ATCAY: variants seen among roughly 807,000 people sequenced by gnomAD.
ATCAY encodes the protein ATCAY kinesin light chain interacting caytaxin.
A neutral mutation model predicts 47.7 loss-of-function variants in ATCAY; 22 were observed. The observed-to-expected ratio is 0.46, with a 90% CI of 0.33 to 0.66. The LOEUF (loss-of-function observed/expected upper bound fraction) is 0.66, where lower values mean the gene tolerates loss of function less well. Among genes scored for constraint, ATCAY ranks in the 30% least tolerant of loss-of-function variants. The probability of loss-of-function intolerance (pLI) is 0.02; values close to 1 mark genes in which losing one functional copy is unlikely to be tolerated. For missense variants in ATCAY, 452 were observed against 515.0 expected (o/e 0.88, Z 1.18); for synonymous variants, 216 against 207.6 (o/e 1.04, Z -0.35).
chr19:3,917,823 G>C (rs770169410), intron 10 of ATCAY, 46 bp downstream of exon 10: 1 of 1,597,140 alleles, frequency 6.3e-7, no homozygotes, highest in Non-Finnish European at 8.5e-7. Flanking sequence ...GGGCAGCGGG[G>C]GGCTGAGCTG....
intron 2 of ATCAY, among the ~76,000 whole-genome samples, chr19:3,889,741 A>G (rs1350441013): frequency 6.6e-6 from 1 of 152,134 alleles, no homozygotes; most frequent in East Asian, 1.9e-4. Flanking sequence ...CTCTTTGGGC[A>G]TCTCAGTGCC....
At chr19:3,919,115 T>C (rs2145264497) in intron 11 of ATCAY, among the ~76,000 whole-genome samples, 1 of 150,464 alleles carries the variant, frequency 6.6e-6, no homozygotes, top group Non-Finnish European at 1.5e-5. Context: ...TCATCTCTAC[T>C]AAAAATACAA....
intron 2 of ATCAY, among the ~76,000 whole-genome samples, chr19:3,894,044 A>T (rs2038743117): frequency 6.6e-6 from 1 of 152,040 alleles, no homozygotes; most frequent in Non-Finnish European, 1.5e-5. Context: ...CATCATGCTT[A>T]AAAGTCTACA....
chr19:3,912,220 C>A (rs1280359197), intron 8 of ATCAY, among the ~76,000 whole-genome samples: 2 of 152,186 alleles, frequency 1.3e-5, no homozygotes, highest in African/African-American at 4.8e-5. Flanking sequence ...CACCTGTAAT[C>A]CCAACACTTT....
Position 3,926,631 on chromosome 19 carries a change from G to C in ATCAY, c.*2039G>C, listed in dbSNP as rs1012784942. 1 of 152,240 alleles carries C rather than the reference G, an allele frequency of 6.6e-6. No homozygotes were observed. The highest frequency in any genetic ancestry group is 1.5e-5 in the Non-Finnish European group (1 of 68,064). The allele number at this position is 152,240 out of a possible 1,614,324, so 9.4% of individuals were successfully genotyped here. Reference sequence around the variant, plus strand: ...TTTAGTGCTGAGGGGCAGTGATACAGAAAGATTTGCCCTGTGGGACAGGGT... The same window carrying C: ...TTTAGTGCTGAGGGGCAGTGATACACAAAGATTTGCCCTGTGGGACAGGGT... On this transcript the variant is annotated 3_prime_UTR_variant, in exon 13 of 13. Transcript: ENST00000450849.
rs750987830 is a variant in ATCAY, at chr19:3,905,648, G to A, written c.351G>A (p.Glu117=). ...LEFLGNGNEL[E]WEDDTPVATA... is the part of the protein sequence containing the mutation. ...TCCTGGGGAATGGCAACGAACTGGA[G>A]TGGGAAGGTAAAGTTCAGGGTCTCT... The change falls in exon 4 of 13, where the codon GAG becomes GAA. Residue 117 remains glutamate (E), a synonymous_variant. Transcript: ENST00000450849. 1.1e-5 allele frequency: 17 copies of A among 1,613,320 alleles called. No individual in the cohort carries two copies. Among genetic ancestry groups the A allele is most frequent in the Non-Finnish European group, 1.4e-5 (17 of 1,179,696 alleles).
chr19:3,903,285 C>T (rs150777291), intron 3 of ATCAY, among the ~76,000 whole-genome samples: 3,402 of 151,472 alleles, frequency 0.022, 68 homozygotes, highest in Middle Eastern at 0.034. Flanking sequence ...GTTTTTTCTT[C>T]AGCAGAGGAA....
At position 3,926,462 on chromosome 19, in the gene ATCAY, C is replaced by T. The variant is rs1191145021; in HGVS notation, c.*1870C>T. On this transcript the variant is annotated 3_prime_UTR_variant, in exon 13 of 13. Coordinates refer to ENST00000450849, the MANE Select transcript of ATCAY (RefSeq NM_033064.5). ...CCTTCTTCCTAGCTCTGTGGTTGAC[C>T]TCTCAGCAAGTGCTATCCAGGCTGG... 1 of 152,206 alleles carries T rather than the reference C, an allele frequency of 6.6e-6. No individual in the cohort carries two copies. The highest frequency in any genetic ancestry group is 6.6e-5 in the Admixed American group (1 of 15,264). The allele number at this position is 152,206 out of a possible 1,614,324, so 9.4% of individuals were successfully genotyped here.
In ATCAY at chr19:3,917,772, G is replaced by C; in HGVS notation, c.996G>C (p.Arg332Ser). 6.2e-7 allele frequency: 1 copy of C among 1,612,978 alleles called. No individual in the cohort carries two copies. Among genetic ancestry groups the C allele is most frequent in the Non-Finnish European group, 8.5e-7 (1 of 1,179,614 alleles). The change falls in exon 10 of 13, where the codon AGG becomes AGC. Residue 332 changes from arginine to serine, a missense_variant. Arg to Ser is a moderately radical substitution (Grantham distance 110). Coordinates refer to ENST00000450849, the MANE Select transcript of ATCAY (RefSeq NM_033064.5). ...QYEEERLKARRESARPQPEFV... is the reference protein window; with the variant it reads ...QYEEERLKARSESARPQPEFV... ...AAGAGGAAAGACTGAAGGCCAGGAG[G>C]GAGAGGTGTGTGCAGAGTGGTTTCT... is the stretch of plus-strand genomic sequence containing the variant.
chr19:3,882,692 G>A (rs923709380), intron 1 of ATCAY, among the ~76,000 whole-genome samples: 19 of 151,696 alleles, frequency 1.3e-4, no homozygotes, highest in African/African-American at 4.6e-4. Context: ...TGCTCAGGCT[G>A]GAATGTGGTG....
chr19:3,921,895 T>A (rs200012013), intron 12 of ATCAY, among the ~76,000 whole-genome samples: 5 of 142,416 alleles, frequency 3.5e-5, no homozygotes, highest in South Asian at 2.2e-4. Context: ...AGACTCTGTT[T>A]AAAAAAAAAA....
At chr19:3,896,595 A>G (rs971152479) in intron 2 of ATCAY, among the ~76,000 whole-genome samples, 1 of 151,788 alleles carries the variant, frequency 6.6e-6, no homozygotes, top group Non-Finnish European at 1.5e-5. Flanking sequence ...TTCATATTTC[A>G]GCTGCAGCCC....
Position 3,925,583 on chromosome 19 carries a change from C to T in ATCAY, c.*991C>T, listed in dbSNP as rs2039060022. 6.6e-6 allele frequency: 1 copy of T among 152,228 alleles called. No individual in the cohort carries two copies. Among genetic ancestry groups the T allele is most frequent in the African/African-American group, 2.4e-5 (1 of 41,450 alleles). The allele number at this position is 152,228 out of a possible 1,614,324, so 9.4% of individuals were successfully genotyped here. ...CAGCCACCTGCATTCAAAGCTTGGA[C>T]CAGCGGGTTCTTGTTCGGGAGGCAA... On this transcript the variant is annotated 3_prime_UTR_variant, in exon 13 of 13. Coordinates refer to ENST00000450849, the MANE Select transcript of ATCAY (RefSeq NM_033064.5). This position sits in a 1 kb window ranked among gnomAD's most constrained non-coding sequence, Gnocchi z 4.4.
intron 2 of ATCAY, among the ~76,000 whole-genome samples, chr19:3,896,653 G>A (rs1266341721): frequency 1.3e-5 from 2 of 152,196 alleles, no homozygotes; most frequent in African/African-American, 4.8e-5. Flanking sequence ...TGTGTGGACC[G>A]TCCAAGGTTA....
At position 3,910,139 on chromosome 19, in the gene ATCAY, T is replaced by C. The variant is rs2038911116; in HGVS notation, c.779+522T>C. Among the ~76,000 whole-genome samples the C allele has an allele frequency of 2.0e-5, 3 of 152,036 alleles. No homozygotes were observed. In the South Asian group the frequency reaches 6.2e-4, roughly 32 times the overall value. ...TCTCCCCAGGCTCCGGCACCCCCCA[T>C]CCTACTTTCTGTCTCTGTAAATCTG... On this transcript the variant is annotated intron_variant, in intron 7 of 12. Coordinates refer to ENST00000450849, the MANE Select transcript of ATCAY (RefSeq NM_033064.5).
Position 3,905,545 on chromosome 19 carries a change from A to T in ATCAY, c.248A>T (p.Asp83Val). ...AGTGAGGGGTCCCTGCTGTCCGATGACTTCTTGGATACCCCTGATGACCTG... is the reference window on the plus strand; with the variant it reads ...AGTGAGGGGTCCCTGCTGTCCGATGTCTTCTTGGATACCCCTGATGACCTG... ...DQSEGSLLSD[D>V]FLDTPDDLDI... Residue 83 changes from aspartate to valine, a missense_variant, in exon 4 of 13, where the codon GAC becomes GTC. Coordinates refer to ENST00000450849, the MANE Select transcript of ATCAY (RefSeq NM_033064.5). 1 of 1,613,878 alleles carries T rather than the reference A, an allele frequency of 6.2e-7. No homozygotes were observed. Among genetic ancestry groups the T allele is most frequent in the South Asian group, 1.1e-5 (1 of 91,066 alleles).
chr19:3,899,027 T>A (rs1385227031), intron 2 of ATCAY, among the ~76,000 whole-genome samples: 1 of 152,162 alleles, frequency 6.6e-6, no homozygotes, highest in East Asian at 1.9e-4. Context: ...TTATGAATTA[T>A]GTTCATTCAA....
chr19:3,888,798 G>T (rs2038687428), intron 2 of ATCAY, among the ~76,000 whole-genome samples: 1 of 152,158 alleles, frequency 6.6e-6, no homozygotes, highest in South Asian at 2.1e-4. Context: ...TGGTGTGGGA[G>T]GCCGAGAGCT....
At chr19:3,900,990 C>T (rs1417850606) in intron 2 of ATCAY, among the ~76,000 whole-genome samples, 1 of 149,652 alleles carries the variant, frequency 6.7e-6, no homozygotes, top group Non-Finnish European at 1.5e-5. Flanking sequence ...CAAGCTCCGC[C>T]TCCTGGGTTC....
Sources: allele counts gnomAD v4.1 joint callset (sites outside exome capture counted in the v4.1 genomes callset), GRCh38; gene constraint gnomAD v4.1.1; non-coding constraint Gnocchi (gnomAD v3.1); transcripts MANE v1.5; gene names NCBI Gene and HGNC (gene_info 2026-07-23, HGNC 2026-07-21).